Variants in CLU observed in about 807,000 individuals in gnomAD.
CLU encodes the protein aging-associated protein 4.
In CLU, 25 loss-of-function variants were observed where a neutral mutation model predicts 46.4. The observed-to-expected ratio is 0.54, with a 90% CI of 0.39 to 0.75. The LOEUF (loss-of-function observed/expected upper bound fraction) is 0.75. Among genes scored for constraint, CLU ranks in the 30% least tolerant of loss-of-function variants. The probability of loss-of-function intolerance (pLI) is 0.00; values close to 1 mark genes in which losing one functional copy is unlikely to be tolerated. For missense variants in CLU, 504 were observed against 592.1 expected, an observed-to-expected ratio of 0.85 and a Z score of 1.54; for synonymous variants, 235 against 235.1, an observed-to-expected ratio of 1.00 and a Z score of 0.00.
At chr8:27,598,709 G>A in intron 7 of CLU, 74 bp from the exon 8 acceptor site, 1 of 1,471,126 alleles carries the variant, frequency 6.8e-7, no homozygotes, top group Non-Finnish European at 9.5e-7. Context: ...ACAGAAGTCA[G>A]GCTTCTGATA....
chr8:27,599,685 C>T lies in CLU; in HGVS notation c.1164+95G>A, dbSNP rs1275679284. 11 of 937,364 alleles carry T rather than the reference C, an allele frequency of 1.2e-5. No individual in the cohort carries two copies. The highest frequency in any genetic ancestry group is 2.0e-5 in the Admixed American group (1 of 49,724). 58.1% of individuals were successfully genotyped at this position (937,364 alleles called of 1,614,324 possible). A position where few individuals can be genotyped will look rare whatever the true frequency, so the allele number is the denominator to read the frequency against. On this transcript the variant is annotated intron_variant, in intron 7 of 8. Transcript: ENST00000316403. The surrounding 1 kb of genome is among the most constrained non-coding windows in gnomAD (Gnocchi z 4.0). Reference sequence around the variant, plus strand: ...GCGCCTAAAGTTTTCTATTTTCTGCCGTGTGATAAATGCTCAGTCAAAAGC... The same window carrying T: ...GCGCCTAAAGTTTTCTATTTTCTGCTGTGTGATAAATGCTCAGTCAAAAGC...
At chr8:27,607,009 A>G (rs567557842) in intron 3 of CLU, among the ~76,000 whole-genome samples, 1 of 152,176 alleles carries the variant, frequency 6.6e-6, no homozygotes, top group African/African-American at 2.4e-5. Context: ...AAATTCTCTA[A>G]CGGGCCCTTG....
intron 3 of CLU, among the ~76,000 whole-genome samples, chr8:27,606,727 T>C (rs9331905): frequency 0.2 from 30,152 of 152,206 alleles, 3,426 homozygotes; most frequent in Non-Finnish European, 0.26. Flanking sequence ...GCTTAAAGAA[T>C]CCACTCATCC....
intron 1 of CLU, chr8:27,611,415 G>GCTGCCCTGCCAGTGTTC (rs1263478986): frequency 2.2e-6 from 1 of 456,268 alleles, no homozygotes; most frequent in Non-Finnish European, 4.4e-6. Context: ...CCGACAGCAG[G>GCTGCCCTGCCAGTGTTC]CTGCCCTGCC....
chr8:27,605,401 C>A (rs1800804680), intron 4 of CLU, 66 bp from the exon 5 acceptor site: 1 of 1,565,740 alleles, frequency 6.4e-7, no homozygotes, highest in African/African-American at 1.4e-5. Context: ...TGGCCTCCCA[C>A]CCCCTGGTGA....
At chr8:27,598,659 A>T (rs762073871) in intron 7 of CLU, 24 bp from the exon 8 acceptor site, 19 of 1,612,474 alleles carry the variant, frequency 1.2e-5, no homozygotes, top group Non-Finnish European at 1.4e-5. Flanking sequence ...GAGAAAAGGG[A>T]AGAGCTGAAA....
intron 2 of CLU, among the ~76,000 whole-genome samples, 162 bp downstream of exon 2, chr8:27,610,313 G>A (rs2128910194): frequency 1.3e-5 from 2 of 152,322 alleles, no homozygotes; most frequent in Admixed American, 1.3e-4. Context: ...TCGGAGCTGA[G>A]GCTCAGAGTG....
At chr8:27,606,219 C>T in intron 4 of CLU, 135 bp downstream of exon 4, 2 of 952,574 alleles carry the variant, frequency 2.1e-6, no homozygotes, top group Non-Finnish European at 3.3e-6. Flanking sequence ...CCAGACATTA[C>T]CAATGGAGCA....
chr8:27,610,441 G>A (rs1449934795), intron 2 of CLU, 34 bp downstream of exon 2: 3 of 1,560,100 alleles, frequency 1.9e-6, no homozygotes, highest in Non-Finnish European at 2.7e-6. Context: ...TCATCACCCT[G>A]TGGCCAGAGG....
chr8:27,603,374 G>C (rs1408496972), intron 6 of CLU, among the ~76,000 whole-genome samples: 2 of 152,180 alleles, frequency 1.3e-5, no homozygotes, highest in East Asian at 3.8e-4. Flanking sequence ...AGTGAGGCTA[G>C]GAATGTTTAA....
Position 27,608,838 on chromosome 8 carries a change from C to T in CLU, c.246+100G>A, listed in dbSNP as rs763888345. 6.4e-5 allele frequency: 81 copies of T among 1,261,900 alleles called. No homozygotes were observed. In the East Asian group the frequency reaches 9.3e-4, roughly 14 times the overall value. 78.2% of individuals were successfully genotyped at this position (1,261,900 alleles called of 1,614,324 possible). On this transcript the variant is annotated intron_variant, in intron 3 of 8. Transcript: ENST00000316403. ...CAGCTGACACAGCCTGGGAGGACTG[C>T]GGGTCACCATGGCAACCCAGCAGGG...
chr8:27,612,929 G>A (rs947434815), intron 1 of CLU, among the ~76,000 whole-genome samples: 4 of 147,866 alleles, frequency 2.7e-5, no homozygotes, highest in African/African-American at 1.0e-4. Flanking sequence ...GGCTGCTCAG[G>A]GGAAGAGGAG....
intron 6 of CLU, among the ~76,000 whole-genome samples, chr8:27,600,752 A>AGCTGCCATTCGTGTGGC (rs1478983607): frequency 3.3e-5 from 5 of 152,172 alleles, no homozygotes; most frequent in Non-Finnish European, 7.3e-5. Context: ...TATTACTCAC[A>AGCTGCCATTCGTGTGGC]GCTGCCATTC....
intron 3 of CLU, among the ~76,000 whole-genome samples, chr8:27,607,623 A>G (rs1037061637): frequency 6.6e-5 from 10 of 152,184 alleles, no homozygotes; most frequent in African/African-American, 2.2e-4. Flanking sequence ...AGCATAGAAG[A>G]AAATAATAGG....
chr8:27,598,143 A>T lies in CLU; in HGVS notation c.*98T>A. On this transcript the variant is annotated 3_prime_UTR_variant, in exon 9 of 9. Coordinates refer to ENST00000316403, the MANE Select transcript of CLU (RefSeq NM_001831.4). ...GGGGCCTGGAGGCTGGGGCCTGGTTACTTGGTGACGTGCAGAGCTCTCTCT... is the reference window on the plus strand; with the variant it reads ...GGGGCCTGGAGGCTGGGGCCTGGTTTCTTGGTGACGTGCAGAGCTCTCTCT... The T allele has an allele frequency of 1.6e-6, 2 of 1,280,014 alleles. No homozygotes were observed. The highest frequency in any genetic ancestry group is 2.3e-6 in the Non-Finnish European group (2 of 885,178). The allele number at this position is 1,280,014 out of a possible 1,614,324, so 79.3% of individuals were successfully genotyped here. A position where few individuals can be genotyped will look rare whatever the true frequency, so the allele number is the denominator to read the frequency against.
At chr8:27,610,199 G>A (rs764048782) in intron 2 of CLU, among the ~76,000 whole-genome samples, 1 of 152,156 alleles carries the variant, frequency 6.6e-6, no homozygotes, top group Non-Finnish European at 1.5e-5. Flanking sequence ...TGGGCTAAGG[G>A]GCCTGGGAGG....
At chr8:27,598,384 C>T (rs1440465123) in intron 8 of CLU, 76 bp downstream of exon 8, 9 of 1,602,984 alleles carry the variant, frequency 5.6e-6, no homozygotes, top group African/African-American at 4.0e-5. Context: ...ATAGAGTCTG[C>T]ACTTTGTTTG....
At position 27,599,918 on chromosome 8, in the gene CLU, G is replaced by A. The variant is rs774606363; in HGVS notation, c.1026C>T (p.Asn342=). The A allele has an allele frequency of 1.7e-5, 28 of 1,614,068 alleles. No homozygotes were observed. The highest frequency in any genetic ancestry group is 8.8e-5 in the South Asian group (8 of 91,090). Residue 342 remains asparagine, a synonymous_variant, in exon 7 of 9, where the codon AAC becomes AAT. Transcript: ENST00000316403. The surrounding 1 kb of genome is among the most constrained non-coding windows in gnomAD (Gnocchi z 4.0). ...TCCACTGGTAGGACTTTAGCAGCTC[G>A]TTGTATTTCCTGGTCAACCTCTCAG... is the stretch of plus-strand genomic sequence containing the variant. ...QVAERLTRKY[N]ELLKSYQWKM...
chr8:27,609,892 G>A (rs142935111), intron 2 of CLU, among the ~76,000 whole-genome samples: 2,101 of 152,230 alleles, frequency 0.014, 49 homozygotes, highest in African/African-American at 0.048. Context: ...TCATTTCAAT[G>A]TATGTGCATT....
Sources: gnomAD v4.1 joint callset for allele counts (sites outside exome capture counted in the v4.1 genomes callset) on GRCh38, gnomAD v4.1.1 for gene constraint, Gnocchi (gnomAD v3.1) non-coding constraint, MANE v1.5 for transcripts, NCBI Gene and HGNC (gene_info 2026-07-23, HGNC 2026-07-21) for gene names.